GRIK1: variants seen among roughly 807,000 people sequenced by gnomAD.
GRIK1 encodes glutamate ionotropic receptor kainate type subunit 1, also known as glutamate receptor ionotropic, kainate 1.
A neutral mutation model predicts 105.7 loss-of-function variants in GRIK1; 69 were observed. The ratio of observed to expected loss-of-function variants is 0.65; its 90% CI spans 0.54 to 0.80. GRIK1 has a LOEUF of 0.80. Ranked by LOEUF, GRIK1 falls within the 30% of genes least tolerant of loss-of-function variation. The pLI is 0.00. For missense variants in GRIK1, 1,109 were observed against 1,167.3 expected (o/e 0.95, Z 0.73); for synonymous variants, 438 against 431.3 (o/e 1.02, Z -0.19).
chr21:29,543,244 C>T (rs1367871660), intron 16 of GRIK1, among the ~76,000 whole-genome samples: 1 of 151,968 alleles, frequency 6.6e-6, no homozygotes, highest in Admixed American at 6.6e-5. Context: ...TAGGAGCAAA[C>T]CTAGGATGGT....
chr21:29,694,096 T>C (rs373383297), intron 1 of GRIK1, 33 bp from the exon 2 acceptor site: 3 of 1,387,666 alleles, frequency 2.2e-6, no homozygotes, highest in Non-Finnish European at 3.1e-6. Context: ...TGAGAAGCGT[T>C]AGTCACATGG....
chr21:29,889,876 A>G (rs1164504528), intron 1 of GRIK1, among the ~76,000 whole-genome samples: 1 of 152,100 alleles, frequency 6.6e-6, no homozygotes, highest in Non-Finnish European at 1.5e-5. Context: ...AGCTAAGTAT[A>G]AGTTTCTTAT....
chr21:29,668,430 C>T (rs1033817582), intron 4 of GRIK1, among the ~76,000 whole-genome samples: 3 of 152,084 alleles, frequency 2.0e-5, no homozygotes, highest in African/African-American at 7.2e-5. Context: ...ACCGCAAGTG[C>T]AAAGGCTATG....
chr21:29,827,590 C>T (rs2067497166), intron 1 of GRIK1, among the ~76,000 whole-genome samples: 1 of 151,936 alleles, frequency 6.6e-6, no homozygotes, highest in Non-Finnish European at 1.5e-5. Flanking sequence ...TCGTAAATGA[C>T]TCAAGAGTTA....
intron 1 of GRIK1, among the ~76,000 whole-genome samples, chr21:29,880,924 A>AG (rs1185219506): frequency 2.6e-5 from 4 of 152,116 alleles, no homozygotes. Context: ...AAGTCCAGGA[A>AG]GGCTAGGTGA....
At chr21:29,683,290 A>G (rs188319862) in intron 3 of GRIK1, among the ~76,000 whole-genome samples, 1 of 152,338 alleles carries the variant, frequency 6.6e-6, no homozygotes, top group East Asian at 1.9e-4. Context: ...TATATATCCA[A>G]AAGAAAATCA....
chr21:29,647,976 G>A (rs896043377), intron 6 of GRIK1, among the ~76,000 whole-genome samples: 1 of 151,852 alleles, frequency 6.6e-6, no homozygotes, highest in South Asian at 2.1e-4. Flanking sequence ...TTGTTCTTAA[G>A]TCTGGTGTCA....
intron 1 of GRIK1, among the ~76,000 whole-genome samples, chr21:29,700,240 C>T (rs993029805): frequency 6.6e-6 from 1 of 152,138 alleles, no homozygotes; most frequent in South Asian, 2.1e-4. Flanking sequence ...CAGCTGGCAA[C>T]ATCCTGTACA....
chr21:29,819,953 T>C (rs2067253426), intron 1 of GRIK1, among the ~76,000 whole-genome samples: 1 of 151,994 alleles, frequency 6.6e-6, no homozygotes, highest in African/African-American at 2.4e-5. Flanking sequence ...AAGATGAGTC[T>C]GAAGCAGAGG....
chr21:29,616,659 A>G (rs1909251053), intron 7 of GRIK1, among the ~76,000 whole-genome samples: 1 of 152,240 alleles, frequency 6.6e-6, no homozygotes, highest in African/African-American at 2.4e-5. Flanking sequence ...CAAGTGAGGA[A>G]AAGAGTCAAA....
chr21:29,805,463 G>T (rs933145218), intron 1 of GRIK1, among the ~76,000 whole-genome samples: 1 of 152,102 alleles, frequency 6.6e-6, no homozygotes, highest in Non-Finnish European at 1.5e-5. Flanking sequence ...TCCTTTAGGG[G>T]TTAAGCTAAT....
At chr21:29,613,031 C>T (rs2061764849) in intron 7 of GRIK1, among the ~76,000 whole-genome samples, 1 of 152,166 alleles carries the variant, frequency 6.6e-6, no homozygotes, top group Non-Finnish European at 1.5e-5. Context: ...CTGGGTGCCT[C>T]TTTGCAAGTT....
chr21:29,697,500 C>T (rs568924106), intron 1 of GRIK1, among the ~76,000 whole-genome samples: 23 of 151,826 alleles, frequency 1.5e-4, no homozygotes, highest in Non-Finnish European at 2.6e-4. Flanking sequence ...TTTCATCAAA[C>T]AGGCATTATG....
rs556387449 is a variant in GRIK1 at position 29,883,972 on chromosome 21, A to C, written c.118+55411T>G. On this transcript the variant is annotated intron_variant, in intron 1 of 17. Transcript: ENST00000327783. ...GATATTGAAGTCCTTTTCCACTCTG[A>C]CTCTTCCTAAAAAGAAGGGGGGGAT... Among the ~76,000 whole-genome samples, 3 of 151,930 alleles carry C rather than the reference A, an allele frequency of 2.0e-5. No homozygotes were observed. The East Asian group carries it at 5.8e-4, about 30-fold the overall frequency.
intron 1 of GRIK1, among the ~76,000 whole-genome samples, chr21:29,921,349 G>C (rs190701065): frequency 1.3e-5 from 2 of 152,250 alleles, no homozygotes; most frequent in Admixed American, 6.5e-5. Context: ...CAGTAGAAAA[G>C]ACCAGTTCAG....
At chr21:29,668,729 C>G (rs967340870) in intron 4 of GRIK1, among the ~76,000 whole-genome samples, 4 of 152,218 alleles carry the variant, frequency 2.6e-5, no homozygotes, top group Non-Finnish European at 5.9e-5. Context: ...ATAGGTAGAG[C>G]TTTCTTGCCC....
chr21:29,794,376 A>T (rs1451353825), intron 1 of GRIK1, among the ~76,000 whole-genome samples: 4 of 152,250 alleles, frequency 2.6e-5, no homozygotes, highest in African/African-American at 9.6e-5. Flanking sequence ...CCAGATCTGT[A>T]CATGTCACTG....
At chr21:29,836,698 C>A (rs1314716976) in intron 1 of GRIK1, among the ~76,000 whole-genome samples, 1 of 152,118 alleles carries the variant, frequency 6.6e-6, no homozygotes, top group Non-Finnish European at 1.5e-5. Flanking sequence ...CAGACACTAT[C>A]ATAAGCCCAC....
intron 1 of GRIK1, among the ~76,000 whole-genome samples, chr21:29,697,947 T>G (rs1055474785): frequency 7.4e-6 from 1 of 134,734 alleles, no homozygotes; most frequent in Non-Finnish European, 1.5e-5. Flanking sequence ...TCTTTCTTTC[T>G]TTTTTCTTTC....
Sources: gnomAD v4.1 joint callset for allele counts (sites outside exome capture counted in the v4.1 genomes callset) on GRCh38, gnomAD v4.1.1 for gene constraint, MANE v1.5 for transcripts, NCBI Gene and HGNC (gene_info 2026-07-23, HGNC 2026-07-21) for gene names.